CNTNAP4: variants seen among roughly 807,000 people sequenced by gnomAD.
CNTNAP4 encodes contactin associated protein family member 4, also known as contactin-associated protein-like 4.
CNTNAP4 carries 98 observed loss-of-function variants against 148.4 expected under a neutral mutation model. The ratio of observed to expected loss-of-function variants is 0.66; its 90% CI spans 0.56 to 0.78. The LOEUF is 0.78. CNTNAP4 is among the 30% of genes least tolerant of loss of function. CNTNAP4 has a pLI of 0.00. For synonymous variants in CNTNAP4, 730 were observed against 565.1 expected (o/e 1.29, Z -4.14); for missense variants, 1,935 against 1,565.6 (o/e 1.24, Z -3.98).
chr16:76,523,728 C>T (rs894161051), intron 17 of CNTNAP4, among the ~76,000 whole-genome samples: 2 of 152,000 alleles, frequency 1.3e-5, no homozygotes, highest in Non-Finnish European at 2.9e-5. Flanking sequence ...AGTTTGAGAC[C>T]AGCCTGGGAA....
chr16:76,478,252 A>G (rs758260503), intron 11 of CNTNAP4, among the ~76,000 whole-genome samples: 53 of 152,230 alleles, frequency 3.5e-4, no homozygotes, highest in Non-Finnish European at 7.2e-4. Context: ...ATATTCTGCC[A>G]AGCTCTTTCA....
intron 21 of CNTNAP4, among the ~76,000 whole-genome samples, chr16:76,550,713 T>C (rs1168476871): frequency 6.6e-6 from 1 of 152,198 alleles, no homozygotes; most frequent in Non-Finnish European, 1.5e-5. Context: ...TGCGGTCTTT[T>C]TCATGTATAT....
rs529122040 is a variant in CNTNAP4 at position 76,530,576 on chromosome 16, G to A, written c.2756-4969G>A. Among the ~76,000 whole-genome samples, 184 of 152,256 alleles carry A rather than the reference G, an allele frequency of 1.2e-3. 1 individual carries two copies. The highest frequency in any genetic ancestry group is 4.3e-3 in the African/African-American group (179 of 41,552). ...GACTCGCTCTGGCTTCAGTGTGTGC[G>A]AAGTCTAAATAGACTCGTTCTTTCT... On this transcript the variant is annotated intron_variant, in intron 17 of 23. Transcript: ENST00000611870.
At chr16:76,374,405 A>G (rs2015194211) in intron 3 of CNTNAP4, among the ~76,000 whole-genome samples, 1 of 152,234 alleles carries the variant, frequency 6.6e-6, no homozygotes, top group Non-Finnish European at 1.5e-5. Flanking sequence ...CCCTGAAATA[A>G]TGTAAAAAAA....
At chr16:76,553,223 G>A in intron 21 of CNTNAP4, 60 bp from the exon 22 acceptor site, 2 of 1,000,624 alleles carry the variant, frequency 2.0e-6, no homozygotes, top group Non-Finnish European at 3.0e-6. Flanking sequence ...CTCAATTTCT[G>A]CATCATCGCC....
chr16:76,302,152 G>C (rs1266429908), intron 1 of CNTNAP4, among the ~76,000 whole-genome samples: 1 of 151,990 alleles, frequency 6.6e-6, no homozygotes, highest in Non-Finnish European at 1.5e-5. Context: ...TCAGTGGCGA[G>C]GCCTTCAGCT....
intron 15 of CNTNAP4, among the ~76,000 whole-genome samples, chr16:76,505,460 G>C (rs1428443472): frequency 1.0e-5 from 1 of 97,168 alleles, no homozygotes; most frequent in African/African-American, 2.6e-5. Flanking sequence ...GATCTCTGCT[G>C]CAAGAACTTT....
intron 21 of CNTNAP4, among the ~76,000 whole-genome samples, chr16:76,543,498 T>C (rs1198976240): frequency 3.3e-5 from 5 of 152,176 alleles, no homozygotes; most frequent in South Asian, 2.1e-4. Context: ...GGAACAATCA[T>C]GTAAGAGAAA....
At chr16:76,337,615 G>A (rs1470393317) in intron 2 of CNTNAP4, among the ~76,000 whole-genome samples, 1 of 152,150 alleles carries the variant, frequency 6.6e-6, no homozygotes, top group Non-Finnish European at 1.5e-5. Context: ...CATCTTAACA[G>A]GAAACAGGGT....
At chr16:76,375,293 G>A (rs1011652132) in intron 3 of CNTNAP4, among the ~76,000 whole-genome samples, 1 of 152,132 alleles carries the variant, frequency 6.6e-6, no homozygotes, top group Non-Finnish European at 1.5e-5. Context: ...GTGGTGGCAT[G>A]TGCCTGCAGT....
rs775282515 is a variant in CNTNAP4, at chr16:76,498,589, G to C, written c.2260G>C (p.Ala754Pro). ...NEWTNDTGLL[A>P]YKEHLPVTKI... ...TAGGACCAATGACACTGGATTGCTT[G>C]CTTATAAAGAACATCTTCCAGTAAC... Residue 754 changes from alanine (A) to proline (P), a missense_variant, in exon 15 of 24, where the codon GCT becomes CCT. Physicochemically the swap from Ala to Pro is conservative, Grantham distance 27. Transcript: ENST00000611870. The C allele has an allele frequency of 6.2e-6, 10 of 1,612,052 alleles. No individual in the cohort carries two copies. Among genetic ancestry groups the C allele is most frequent in the Non-Finnish European group, 8.5e-6 (10 of 1,178,994 alleles).
At chr16:76,280,239 T>C (rs1958635400) in intron 1 of CNTNAP4, among the ~76,000 whole-genome samples, 1 of 152,212 alleles carries the variant, frequency 6.6e-6, no homozygotes, top group Non-Finnish European at 1.5e-5. Context: ...AAAGCTTTCA[T>C]GGGACAGAAC....
At chr16:76,538,459 T>C in intron 19 of CNTNAP4, 119 bp downstream of exon 19, 1 of 707,916 alleles carries the variant, frequency 1.4e-6, no homozygotes, top group Non-Finnish European at 2.4e-6. Flanking sequence ...AGTGTGCCTG[T>C]TTTTTGTAGT....
intron 3 of CNTNAP4, among the ~76,000 whole-genome samples, chr16:76,387,443 A>C (rs2016607181): frequency 6.6e-6 from 1 of 152,214 alleles, no homozygotes; most frequent in African/African-American, 2.4e-5. Context: ...CTCTTGCTTT[A>C]GGGCTAAAAT....
intron 2 of CNTNAP4, 34 bp downstream of exon 2, chr16:76,316,557 G>GA (rs1961782233): frequency 7.3e-7 from 1 of 1,370,582 alleles, no homozygotes; most frequent in Non-Finnish European, 1.0e-6. Context: ...CTGGCCCATA[G>GA]AAAATCTCAC....
At position 76,326,617 on chromosome 16, in the gene CNTNAP4, C is replaced by A. The variant is rs531577281; in HGVS notation, c.196+10094C>A. Among the ~76,000 whole-genome samples, 15 of 152,142 alleles carry A rather than the reference C, an allele frequency of 9.9e-5. No homozygotes were observed. The South Asian group carries it at 1.5e-3, about 15-fold the overall frequency. ...TATACACCATGGAATACTATGCAGCCATAAAAAATGATGAGTTCATGTCCT... is the reference window on the plus strand; with the variant it reads ...TATACACCATGGAATACTATGCAGCAATAAAAAATGATGAGTTCATGTCCT... On this transcript the variant is annotated intron_variant, in intron 2 of 23. Transcript: ENST00000611870.
At chr16:76,319,368 C>T (rs1287455235) in intron 2 of CNTNAP4, among the ~76,000 whole-genome samples, 3 of 151,944 alleles carry the variant, frequency 2.0e-5, no homozygotes, top group Non-Finnish European at 4.4e-5. Context: ...TCCAGGGTGA[C>T]AGAGTGAGAC....
At chr16:76,432,092 C>A (rs8058332) in intron 4 of CNTNAP4, among the ~76,000 whole-genome samples, 5 of 152,050 alleles carry the variant, frequency 3.3e-5, no homozygotes, top group African/African-American at 1.2e-4. Context: ...TATGTTTGAT[C>A]GACTACTCAT....
chr16:76,499,162 G>A (rs1025654287), intron 15 of CNTNAP4, among the ~76,000 whole-genome samples: 1 of 150,080 alleles, frequency 6.7e-6, no homozygotes, highest in Non-Finnish European at 1.5e-5. Context: ...CTGCCTCCTG[G>A]ATTCACGCCA....
Sources: allele counts gnomAD v4.1 joint callset (sites outside exome capture counted in the v4.1 genomes callset), GRCh38; gene constraint gnomAD v4.1.1; transcripts MANE v1.5; gene names NCBI Gene and HGNC (gene_info 2026-07-23, HGNC 2026-07-21).